The following RAD51B variants were observed in gnomAD, a reference collection of about 807,000 sequenced individuals.
The protein encoded by RAD51B is DNA repair protein RAD51 homolog 2.
In RAD51B, 38 loss-of-function variants were observed where a neutral mutation model predicts 42.2. That is an observed-to-expected ratio of 0.90 (90% CI 0.70 to 1.18). The LOEUF is 1.18. Among genes scored for constraint, RAD51B ranks in the 50% most tolerant of loss-of-function variants. The probability of loss-of-function intolerance (pLI) is 0.00; values close to 1 mark genes in which losing one functional copy is unlikely to be tolerated. For missense variants in RAD51B, 373 were observed against 400.7 expected, an observed-to-expected ratio of 0.93 and a Z score of 0.59; for synonymous variants, 154 against 145.2, an observed-to-expected ratio of 1.06 and a Z score of -0.43.
At chr14:68,182,501 A>G (rs1423155196) in intron 7 of RAD51B, among the ~76,000 whole-genome samples, 1 of 152,206 alleles carries the variant, frequency 6.6e-6, no homozygotes, top group Non-Finnish European at 1.5e-5. Flanking sequence ...GTTTCTGATT[A>G]TGGGTAACCT....
At chr14:68,333,795 C>T (rs2082394338) in intron 8 of RAD51B, among the ~76,000 whole-genome samples, 1 of 152,196 alleles carries the variant, frequency 6.6e-6, no homozygotes, top group African/African-American at 2.4e-5. Flanking sequence ...GAGCATATAA[C>T]ATCCACTCTC....
chr14:68,494,045 G>A (rs1467472034), intron 10 of RAD51B, among the ~76,000 whole-genome samples: 2 of 152,162 alleles, frequency 1.3e-5, no homozygotes, highest in African/African-American at 4.8e-5. Context: ...GGAGGCCGAG[G>A]GAGGCGGATC....
intron 9 of RAD51B, among the ~76,000 whole-genome samples, chr14:68,465,898 G>A (rs370634295): frequency 4.7e-5 from 7 of 150,162 alleles, no homozygotes; most frequent in South Asian, 2.1e-4. Flanking sequence ...CCGAGATTGC[G>A]CCACTGCACT....
chr14:67,865,000 T>TTTTA lies in RAD51B; in HGVS notation c.316-3_316-2insTTTA, dbSNP rs2042287931. ...TTTTTTTTTTTTTTTTTTTTTTTTT[T>TTTTA]AGATTACAGGTCCACCAGGTTGTGG... On this transcript the variant is annotated splice_region_variant and splice_polypyrimidine_tract_variant and intron_variant, in intron 4 of 10. Coordinates refer to ENST00000471583, the MANE Select transcript of RAD51B (RefSeq NM_133510.4). 52 of 1,182,312 alleles carry TTTTA rather than the reference T, an allele frequency of 4.4e-5. No individual in the cohort carries two copies. Among genetic ancestry groups the TTTTA allele is most frequent in the South Asian group, 5.0e-5 (3 of 60,292 alleles). The allele number at this position is 1,182,312 out of a possible 1,614,324, so 73.2% of individuals were successfully genotyped here.
At chr14:68,228,091 A>G (rs149647321) in intron 7 of RAD51B, among the ~76,000 whole-genome samples, 7 of 152,268 alleles carry the variant, frequency 4.6e-5, no homozygotes, top group African/African-American at 1.7e-4. Context: ...TAAGGAAGGT[A>G]AATAAATTGT....
intron 8 of RAD51B, among the ~76,000 whole-genome samples, chr14:68,324,615 G>A (rs2082215785): frequency 6.6e-6 from 1 of 152,164 alleles, no homozygotes; most frequent in Non-Finnish European, 1.5e-5. Context: ...ACTTAAGATA[G>A]AAACTTTTGT....
intron 7 of RAD51B, among the ~76,000 whole-genome samples, chr14:68,157,969 G>T (rs1462982797): frequency 6.6e-6 from 1 of 152,106 alleles, no homozygotes; most frequent in Non-Finnish European, 1.5e-5. Context: ...AATCCTAGAA[G>T]ACATTGCTCA....
At chr14:68,344,959 A>C (rs1442668282) in intron 8 of RAD51B, among the ~76,000 whole-genome samples, 1 of 151,852 alleles carries the variant, frequency 6.6e-6, no homozygotes, top group Non-Finnish European at 1.5e-5. Flanking sequence ...AAAAAAAAAA[A>C]AAAAAAAACA....
At chr14:68,120,885 T>G (rs1443450540) in intron 7 of RAD51B, among the ~76,000 whole-genome samples, 2 of 152,204 alleles carry the variant, frequency 1.3e-5, no homozygotes, top group African/African-American at 4.8e-5. Context: ...TTTTCAGTTG[T>G]TTCTGGCTTA....
chr14:68,546,398 G>A (rs1888236364), intron 10 of RAD51B, among the ~76,000 whole-genome samples: 1 of 152,218 alleles, frequency 6.6e-6, no homozygotes, highest in Non-Finnish European at 1.5e-5. Flanking sequence ...GACTGAGAGA[G>A]AGGAGACAGG....
chr14:67,890,357 G>A (rs1448194028), intron 7 of RAD51B, among the ~76,000 whole-genome samples: 1 of 151,518 alleles, frequency 6.6e-6, no homozygotes, highest in Non-Finnish European at 1.5e-5. Context: ...TAGAATGAGA[G>A]ATCTTTTAGC....
chr14:68,227,877 T>G (rs1751381), intron 7 of RAD51B, among the ~76,000 whole-genome samples: 24,195 of 152,216 alleles, frequency 0.16, 2,040 homozygotes, highest in Middle Eastern at 0.35. Context: ...AATTTAATTT[T>G]GTTCCTTTAG....
At chr14:68,663,320 G>GAC (rs1200546022) in intron 11 of RAD51B, among the ~76,000 whole-genome samples, 1 of 151,938 alleles carries the variant, frequency 6.6e-6, no homozygotes, top group Non-Finnish European at 1.5e-5. Context: ...AAGAGAGAGA[G>GAC]AGAGAGAGAG....
intron 9 of RAD51B, among the ~76,000 whole-genome samples, chr14:68,431,616 A>G (rs1315908153): frequency 6.6e-6 from 1 of 151,910 alleles, no homozygotes; most frequent in Non-Finnish European, 1.5e-5. Flanking sequence ...ATCATTTTTT[A>G]TTGCATCTAT....
At chr14:68,246,089 A>G (rs1488792078) in intron 7 of RAD51B, among the ~76,000 whole-genome samples, 1 of 152,132 alleles carries the variant, frequency 6.6e-6, no homozygotes, top group Non-Finnish European at 1.5e-5. Context: ...TTTAGGGTAA[A>G]TGTGAAATCC....
chr14:68,223,155 A>C (rs2079964832), intron 7 of RAD51B, among the ~76,000 whole-genome samples: 1 of 152,220 alleles, frequency 6.6e-6, no homozygotes, highest in African/African-American at 2.4e-5. Flanking sequence ...TGCCTAAATC[A>C]CAATTTTGAG....
intron 10 of RAD51B, among the ~76,000 whole-genome samples, chr14:68,507,602 G>GA (rs1885425648): frequency 6.6e-6 from 1 of 152,088 alleles, no homozygotes; most frequent in Non-Finnish European, 1.5e-5. Context: ...ACAAACTCCT[G>GA]GGCACGTGAC....
At chr14:68,067,499 G>T (rs1595351973) in intron 7 of RAD51B, among the ~76,000 whole-genome samples, 2 of 147,320 alleles carry the variant, frequency 1.4e-5, no homozygotes, top group Non-Finnish European at 3.0e-5. Context: ...AACAGGAAAA[G>T]AAAAAGAAAT....
At chr14:68,376,276 T>TC (rs1313461421) in intron 8 of RAD51B, among the ~76,000 whole-genome samples, 5 of 152,100 alleles carry the variant, frequency 3.3e-5, no homozygotes, top group Non-Finnish European at 7.4e-5. Context: ...TGAACCCATC[T>TC]CAACCCCCCA....
Sources: gnomAD v4.1 joint callset for allele counts (sites outside exome capture counted in the v4.1 genomes callset) on GRCh38, gnomAD v4.1.1 for gene constraint, MANE v1.5 for transcripts, NCBI Gene and HGNC (gene_info 2026-07-23, HGNC 2026-07-21) for gene names.